The following CSMD3 variants were observed in gnomAD, a reference collection of about 807,000 sequenced individuals.
CSMD3 encodes CUB and Sushi multiple domains 3.
CSMD3 carries 177 observed loss-of-function variants against 435.2 expected under a neutral mutation model. The ratio of observed to expected loss-of-function variants is 0.41; its 90% CI spans 0.36 to 0.46. The LOEUF (loss-of-function observed/expected upper bound fraction) is 0.46. Among genes scored for constraint, CSMD3 ranks in the 20% least tolerant of loss-of-function variants. CSMD3 has a pLI of 0.34. For synonymous variants in CSMD3, 1,656 were observed against 1,520.5 expected, an observed-to-expected ratio of 1.09 and a Z score of -2.07; for missense variants, 4,265 against 4,504.6, an observed-to-expected ratio of 0.95 and a Z score of 1.52.
chr8:112,639,749 A>G (rs1187329926), intron 20 of CSMD3, among the ~76,000 whole-genome samples: 1 of 152,072 alleles, frequency 6.6e-6, no homozygotes, highest in Non-Finnish European at 1.5e-5. Context: ...ATCATTGTGC[A>G]TAGTTGGGGG....
intron 11 of CSMD3, among the ~76,000 whole-genome samples, chr8:112,839,837 A>G (rs1050009164): frequency 6.6e-6 from 1 of 151,730 alleles, no homozygotes; most frequent in Non-Finnish European, 1.5e-5. Context: ...TGATATACAG[A>G]TATTTATATA....
chr8:113,246,247 G>C (rs1476426756), intron 3 of CSMD3, among the ~76,000 whole-genome samples: 2 of 151,806 alleles, frequency 1.3e-5, no homozygotes, highest in African/African-American at 4.8e-5. Flanking sequence ...ACAAGTCTCT[G>C]AGGTTCTATT....
At chr8:113,229,085 T>C (rs900048618) in intron 3 of CSMD3, among the ~76,000 whole-genome samples, 1 of 151,628 alleles carries the variant, frequency 6.6e-6, no homozygotes, top group Non-Finnish European at 1.5e-5. Flanking sequence ...TTTGAAGTGA[T>C]GAAATGGGAA....
chr8:112,280,075 G>A (rs1255381417), intron 59 of CSMD3, among the ~76,000 whole-genome samples: 1 of 152,040 alleles, frequency 6.6e-6, no homozygotes, highest in African/African-American at 2.4e-5. Context: ...AGAAATAAAA[G>A]GGGATTATCT....
At chr8:113,108,651 C>G (rs1276972879) in intron 4 of CSMD3, among the ~76,000 whole-genome samples, 1 of 151,844 alleles carries the variant, frequency 6.6e-6, no homozygotes, top group Non-Finnish European at 1.5e-5. Flanking sequence ...AGCAGTACAA[C>G]TAAATAGAAG....
At chr8:112,897,664 T>TTCTC (rs148140086) in intron 10 of CSMD3, among the ~76,000 whole-genome samples, 7 of 135,100 alleles carry the variant, frequency 5.2e-5, no homozygotes, top group East Asian at 2.3e-4. Context: ...AAAATACTAT[T>TTCTC]TCTCTCTCTC....
intron 2 of CSMD3, among the ~76,000 whole-genome samples, chr8:113,279,979 C>G (rs899877949): frequency 6.6e-6 from 1 of 151,704 alleles, no homozygotes; most frequent in Non-Finnish European, 1.5e-5. Flanking sequence ...TATTGACTTA[C>G]GTATGTTAAA....
At chr8:112,329,838 C>A (rs982176078) in intron 45 of CSMD3, among the ~76,000 whole-genome samples, 3 of 152,086 alleles carry the variant, frequency 2.0e-5, no homozygotes, top group African/African-American at 7.2e-5. Context: ...ATTTAACTAA[C>A]AGTAAATGGT....
At chr8:112,679,093 T>G (rs1480428268) in intron 16 of CSMD3, among the ~76,000 whole-genome samples, 1 of 150,026 alleles carries the variant, frequency 6.7e-6, no homozygotes, top group Non-Finnish European at 1.5e-5. Context: ...AGGTTTTTTT[T>G]TTTTTTTTTT....
chr8:112,345,338 A>G (rs1825564343), intron 41 of CSMD3, among the ~76,000 whole-genome samples: 1 of 152,178 alleles, frequency 6.6e-6, no homozygotes, highest in Non-Finnish European at 1.5e-5. Flanking sequence ...GAATCAACCT[A>G]AGTGTCCATC....
intron 10 of CSMD3, among the ~76,000 whole-genome samples, chr8:112,868,185 C>T (rs939085438): frequency 3.9e-5 from 6 of 152,046 alleles, no homozygotes; most frequent in African/African-American, 7.2e-5. Flanking sequence ...TCTTGTCCCA[C>T]GGACAGATCC....
At chr8:113,404,899 A>G (rs1444197064) in intron 1 of CSMD3, among the ~76,000 whole-genome samples, 1 of 151,504 alleles carries the variant, frequency 6.6e-6, no homozygotes, top group Non-Finnish European at 1.5e-5. Flanking sequence ...CTTAAAAAAT[A>G]TAAATTATGT....
chr8:112,853,802 C>T (rs2080567068), intron 11 of CSMD3, among the ~76,000 whole-genome samples: 1 of 152,184 alleles, frequency 6.6e-6, no homozygotes, highest in Admixed American at 6.5e-5. Context: ...TATTTATCTG[C>T]TGTCTCTTAG....
intron 13 of CSMD3, among the ~76,000 whole-genome samples, chr8:112,763,721 T>A (rs761294504): frequency 4.0e-5 from 6 of 150,794 alleles, no homozygotes; most frequent in Non-Finnish European, 8.9e-5. Context: ...TTTATTGAGC[T>A]TTGCTTCTAA....
At chr8:112,239,943 A>T (rs1299407355) in intron 66 of CSMD3, among the ~76,000 whole-genome samples, 1 of 152,036 alleles carries the variant, frequency 6.6e-6, no homozygotes, top group African/African-American at 2.4e-5. Context: ...CTTAATAGGG[A>T]CACAACTAAT....
chr8:113,410,327 C>T (rs888054590), intron 1 of CSMD3, among the ~76,000 whole-genome samples: 4 of 152,140 alleles, frequency 2.6e-5, no homozygotes, highest in African/African-American at 9.7e-5. Flanking sequence ...CTCCTTAATT[C>T]CTTGCTAATT....
intron 27 of CSMD3, among the ~76,000 whole-genome samples, chr8:112,538,057 G>A (rs566220807): frequency 3.0e-4 from 45 of 151,860 alleles, no homozygotes; most frequent in Non-Finnish European, 5.9e-4. Context: ...CAGTGAACAG[G>A]ATACATCTCA....
At chr8:112,565,931 T>A (rs1285951470) in intron 24 of CSMD3, among the ~76,000 whole-genome samples, 2 of 151,936 alleles carry the variant, frequency 1.3e-5, no homozygotes, top group African/African-American at 2.4e-5. Flanking sequence ...GGAATAAGTC[T>A]TTCCCCGATA....
intron 1 of CSMD3, among the ~76,000 whole-genome samples, chr8:113,363,349 T>C (rs1588602281): frequency 6.6e-6 from 1 of 152,336 alleles, no homozygotes. Flanking sequence ...TCTCATTCCA[T>C]GGCTTGTGCT....
Sources: gnomAD v4.1 joint callset for allele counts (sites outside exome capture counted in the v4.1 genomes callset) on GRCh38, gnomAD v4.1.1 for gene constraint, MANE v1.5 for transcripts, NCBI Gene and HGNC (gene_info 2026-07-23, HGNC 2026-07-21) for gene names.